Variants in NCOA3 observed in about 807,000 individuals in gnomAD.
NCOA3 encodes CBP-interacting protein.
Under a neutral mutation model 158.8 loss-of-function variants are expected in NCOA3, and 51 were observed. That is an observed-to-expected ratio of 0.32 (90% CI 0.26 to 0.41). The LOEUF is 0.41. NCOA3 is among the 10% of genes least tolerant of loss of function. The pLI is 1.00. For missense variants in NCOA3, 1,510 were observed against 1,746.6 expected, an observed-to-expected ratio of 0.86 and a Z score of 2.41; for synonymous variants, 537 against 592.4, an observed-to-expected ratio of 0.91 and a Z score of 1.36.
chr20:47,562,814 C>T (rs571456676), intron 1 of NCOA3, among the ~76,000 whole-genome samples: 2 of 152,224 alleles, frequency 1.3e-5, no homozygotes, highest in Admixed American at 1.3e-4. Flanking sequence ...TCTTTTTCTT[C>T]TCCTATATAT....
At chr20:47,502,443 G>A (rs2083950097) in intron 1 of NCOA3, among the ~76,000 whole-genome samples, 1 of 152,244 alleles carries the variant, frequency 6.6e-6, no homozygotes, top group South Asian at 2.1e-4. Context: ...CTTCTGGGAC[G>A]CACGGGAGGG....
At chr20:47,583,518 C>T (rs1258983980) in intron 2 of NCOA3, among the ~76,000 whole-genome samples, 1 of 152,162 alleles carries the variant, frequency 6.6e-6, no homozygotes, top group East Asian at 1.9e-4. Context: ...TTTCGACTCC[C>T]CCCAAACTTA....
chr20:47,605,777 T>C (rs1418893447), intron 2 of NCOA3, among the ~76,000 whole-genome samples: 1 of 152,218 alleles, frequency 6.6e-6, no homozygotes, highest in Non-Finnish European at 1.5e-5. Flanking sequence ...CTGTGTCTTT[T>C]GAAGTTAATA....
intron 10 of NCOA3, 53 bp from the exon 11 acceptor site, chr20:47,635,269 G>A: frequency 1.3e-6 from 2 of 1,489,622 alleles, no homozygotes; most frequent in South Asian, 1.3e-5. Flanking sequence ...CTGATTAAAA[G>A]CTTTCATGCA....
chr20:47,519,697 T>G (rs1416634557), intron 1 of NCOA3, among the ~76,000 whole-genome samples: 1 of 152,158 alleles, frequency 6.6e-6, no homozygotes, highest in Non-Finnish European at 1.5e-5. Flanking sequence ...TGAGGCCCAC[T>G]TGGGAGGATT....
chr20:47,633,869 AG>A, intron 9 of NCOA3, 178 bp from the exon 10 acceptor site: 1 of 842,536 alleles, frequency 1.2e-6, no homozygotes, highest in Non-Finnish European at 1.8e-6. Context: ...CTTGTTGGTG[AG>A]GGGTAGGAAA....
intron 20 of NCOA3, among the ~76,000 whole-genome samples, chr20:47,652,068 T>C (rs1212267599): frequency 1.3e-5 from 2 of 152,098 alleles, no homozygotes; most frequent in South Asian, 2.1e-4. Flanking sequence ...AGCCCTGTCA[T>C]CTGAGGATTA....
chr20:47,650,938 G>T, intron 19 of NCOA3, 44 bp from the exon 20 acceptor site: 4 of 1,578,716 alleles, frequency 2.5e-6, no homozygotes, highest in Middle Eastern at 1.7e-4. Context: ...CAACTGGCAG[G>T]TTCTTGCTAT....
At chr20:47,639,345 C>T in intron 14 of NCOA3, 143 bp downstream of exon 14, 3 of 948,782 alleles carry the variant, frequency 3.2e-6, no homozygotes, top group Non-Finnish European at 4.7e-6. Context: ...TTCATTTATT[C>T]TATGTTTTGG....
chr20:47,621,878 T>C (rs1159412634), intron 2 of NCOA3, among the ~76,000 whole-genome samples: 2 of 152,030 alleles, frequency 1.3e-5, no homozygotes. Flanking sequence ...GATTTCACCA[T>C]GTTGGTCAGG....
chr20:47,563,204 T>C (rs1050530804), intron 1 of NCOA3, among the ~76,000 whole-genome samples: 3 of 152,348 alleles, frequency 2.0e-5, no homozygotes, highest in African/African-American at 7.2e-5. Context: ...CATTAAGGAG[T>C]TTAACATTTT....
chr20:47,554,068 G>A (rs62203125), intron 1 of NCOA3, among the ~76,000 whole-genome samples: 11 of 152,198 alleles, frequency 7.2e-5, no homozygotes, highest in Admixed American at 2.6e-4. Context: ...CTGTTGTTTC[G>A]TGACTTTTTA....
Position 47,623,919 on chromosome 20 carries a change from G to T in NCOA3, c.92G>T (p.Cys31Phe). 1 of 1,612,736 alleles carries T rather than the reference G, an allele frequency of 6.2e-7. No individual in the cohort carries two copies. The highest frequency in any genetic ancestry group is 8.5e-7 in the Non-Finnish European group (1 of 1,179,732). The change falls in exon 4 of 23, where the codon TGC becomes TTC. Residue 31 changes from cysteine (C) to phenylalanine (F), a missense_variant. Cys to Phe is a radical substitution (Grantham distance 205). Coordinates refer to ENST00000371998, the MANE Select transcript of NCOA3 (RefSeq NM_181659.3). ...PCDTPGQGLT[C>F]SGEKRRREQE... Reference sequence around the variant, plus strand: ...TACGCCTTTTCCCTTAGTCTTACCTGCAGTGGTGAAAAACGGAGACGGGAG... The same window carrying T: ...TACGCCTTTTCCCTTAGTCTTACCTTCAGTGGTGAAAAACGGAGACGGGAG...
intron 1 of NCOA3, among the ~76,000 whole-genome samples, chr20:47,502,548 A>G (rs2146033140): frequency 6.6e-6 from 1 of 151,728 alleles, no homozygotes; most frequent in South Asian, 2.1e-4. Flanking sequence ...AAAATATTTT[A>G]ACACGAATTG....
At chr20:47,505,003 G>GT (rs1166777115) in intron 1 of NCOA3, among the ~76,000 whole-genome samples, 491 of 28,528 alleles carry the variant, frequency 0.017, 77 homozygotes, top group African/African-American at 0.083. Flanking sequence ...TGGGTTTTTG[G>GT]TTTTTTTTTT....
chr20:47,503,567 A>G (rs764313165), intron 1 of NCOA3, among the ~76,000 whole-genome samples: 22 of 152,192 alleles, frequency 1.4e-4, no homozygotes, highest in Non-Finnish European at 2.5e-4. Flanking sequence ...TTGGATACCA[A>G]AAGCAGGGAA....
At chr20:47,595,300 G>T (rs1191144592) in intron 2 of NCOA3, among the ~76,000 whole-genome samples, 1 of 151,894 alleles carries the variant, frequency 6.6e-6, no homozygotes, top group Non-Finnish European at 1.5e-5. Context: ...GTTTCACCAT[G>T]TTGGCCAGGC....
intron 2 of NCOA3, 56 bp from the exon 3 acceptor site, chr20:47,622,173 T>C (rs1231325500): frequency 3.3e-6 from 3 of 908,838 alleles, no homozygotes; most frequent in Non-Finnish European, 5.2e-6. Context: ...AACACCTTCA[T>C]AGAGTCATGT....
intron 1 of NCOA3, among the ~76,000 whole-genome samples, chr20:47,517,584 G>A (rs2084256712): frequency 6.6e-6 from 1 of 151,376 alleles, no homozygotes; most frequent in Non-Finnish European, 1.5e-5. Context: ...CCTAGTAGCT[G>A]GGATTACAGG....
Sources: allele counts gnomAD v4.1 joint callset (sites outside exome capture counted in the v4.1 genomes callset), GRCh38; gene constraint gnomAD v4.1.1; transcripts MANE v1.5; gene names NCBI Gene and HGNC (gene_info 2026-07-23, HGNC 2026-07-21).